ACTN1: variants seen among roughly 807,000 people sequenced by gnomAD.
The protein encoded by ACTN1 is alpha-actinin-1.
ACTN1 carries 30 observed loss-of-function variants against 119.6 expected under a neutral mutation model. The observed-to-expected ratio is 0.25, with a 90% CI of 0.19 to 0.34. The LOEUF (loss-of-function observed/expected upper bound fraction) is 0.34. ACTN1 is among the 10% of genes least tolerant of loss of function. The pLI is 1.00. For synonymous variants in ACTN1, 429 were observed against 472.6 expected, an observed-to-expected ratio of 0.91 and a Z score of 1.20; for missense variants, 764 against 1,223.4, an observed-to-expected ratio of 0.62 and a Z score of 5.60.
intron 1 of ACTN1, among the ~76,000 whole-genome samples, chr14:68,970,422 A>G (rs1361864323): frequency 6.6e-6 from 1 of 152,244 alleles, no homozygotes; most frequent in Non-Finnish European, 1.5e-5. Flanking sequence ...CTCAAACGTT[A>G]CGGGTTTCAC....
intron 3 of ACTN1, among the ~76,000 whole-genome samples, chr14:68,916,669 A>G: frequency 6.6e-6 from 1 of 152,134 alleles, no homozygotes; most frequent in African/African-American, 2.4e-5. Context: ...AGGCAGCTTT[A>G]TGTCAGGGAC....
intron 1 of ACTN1, among the ~76,000 whole-genome samples, chr14:68,931,017 T>C (rs1298055089): frequency 6.6e-6 from 1 of 152,224 alleles, no homozygotes; most frequent in African/African-American, 2.4e-5. Context: ...GGCTGGATTA[T>C]ATTCACAACT....
rs574280354 is a variant in ACTN1, at chr14:68,977,000, T to TA, written c.105+1951dup. Among the ~76,000 whole-genome samples, 24 of 152,320 alleles carry TA rather than the reference T, an allele frequency of 1.6e-4. No homozygotes were observed. In the South Asian group the frequency reaches 5.0e-3, roughly 32 times the overall value. Reference sequence around the variant, plus strand: ...TATTCATTCATTCAGAAATATTAAATACGATGTTCAGGCCGGTGCTCAGTG... The same window carrying TA: ...TATTCATTCATTCAGAAATATTAAATAACGATGTTCAGGCCGGTGCTCAGTG... On this transcript the variant is annotated intron_variant, in intron 1 of 21. Transcript: ENST00000394419.
chr14:68,953,439 G>C (rs2036236703), intron 1 of ACTN1, among the ~76,000 whole-genome samples: 1 of 152,150 alleles, frequency 6.6e-6, no homozygotes, highest in Non-Finnish European at 1.5e-5. Context: ...TATCTCCCCA[G>C]CAAAGACACA....
intron 2 of ACTN1, among the ~76,000 whole-genome samples, chr14:68,921,830 G>A (rs2034668434): frequency 6.6e-6 from 1 of 152,120 alleles, no homozygotes; most frequent in Non-Finnish European, 1.5e-5. Flanking sequence ...GCTGCCTCCT[G>A]TGGGCACCCA....
intron 7 of ACTN1, among the ~76,000 whole-genome samples, chr14:68,903,173 G>A (rs2033448351): frequency 6.6e-6 from 1 of 152,206 alleles, no homozygotes; most frequent in African/African-American, 2.4e-5. Flanking sequence ...GACCTCAGTA[G>A]CCATTCTATC....
intron 6 of ACTN1, among the ~76,000 whole-genome samples, chr14:68,906,686 C>A (rs1019889670): frequency 6.6e-6 from 1 of 152,222 alleles, no homozygotes; most frequent in East Asian, 1.9e-4. Flanking sequence ...GCTTCCCAGT[C>A]GGAGCCCCTC....
At chr14:68,968,166 G>A (rs138568751) in intron 1 of ACTN1, among the ~76,000 whole-genome samples, 1 of 152,324 alleles carries the variant, frequency 6.6e-6, no homozygotes, top group Admixed American at 6.5e-5. Context: ...TGGGTGGAAA[G>A]AGAGTAAGAT....
At chr14:68,913,820 T>A (rs1566630963) in intron 3 of ACTN1, among the ~76,000 whole-genome samples, 1 of 152,152 alleles carries the variant, frequency 6.6e-6, no homozygotes, top group Non-Finnish European at 1.5e-5. Context: ...ATGCTTGGGT[T>A]GGAGAGAAAC....
chr14:68,933,117 T>C (rs57051576), intron 1 of ACTN1, among the ~76,000 whole-genome samples: 5,056 of 152,154 alleles, frequency 0.033, 284 homozygotes, highest in African/African-American at 0.11. Flanking sequence ...AGTTAGTCCT[T>C]ACCTCCTTGT....
intron 1 of ACTN1, among the ~76,000 whole-genome samples, chr14:68,934,691 A>T (rs10147838): frequency 6.6e-6 from 1 of 152,214 alleles, no homozygotes; most frequent in African/African-American, 2.4e-5. Flanking sequence ...GAGAAAAATT[A>T]GAAAGAGACA....
At position 68,942,957 on chromosome 14, in the gene ACTN1, AG is replaced by A. The variant is rs1200995697; in HGVS notation, c.106-17286del. Among the ~76,000 whole-genome samples the A allele has an allele frequency of 2.6e-5, 4 of 152,288 alleles. No homozygotes were observed. In the East Asian group the frequency reaches 7.7e-4, roughly 29 times the overall value. ...CCGAGATGACACTGGGCCATGACGGAGGAGCCTAACGACCTCAATTCTCTTC... is the reference window on the plus strand; with the variant it reads ...CCGAGATGACACTGGGCCATGACGGAGAGCCTAACGACCTCAATTCTCTTC... On this transcript the variant is annotated intron_variant, in intron 1 of 21. Coordinates refer to ENST00000394419, the MANE Select transcript of ACTN1 (RefSeq NM_001130004.2).
In ACTN1 at chr14:68,880,507, T is replaced by A. The variant is rs1202652081; in HGVS notation, c.2133+303A>T. Among the ~76,000 whole-genome samples the A allele has an allele frequency of 6.6e-6, 1 of 152,126 alleles. No individual in the cohort carries two copies. Among genetic ancestry groups the A allele is most frequent in the East Asian group, 1.9e-4 (1 of 5,190 alleles). On this transcript the variant is annotated intron_variant, in intron 17 of 21. Transcript: ENST00000394419. The surrounding 1 kb of genome is among the most constrained non-coding windows in gnomAD (Gnocchi z 4.6). Reference sequence around the variant, plus strand: ...TGCACAGTTAAAACAAGTAGCCATTTTCAAAGCAGATGCCTGAGCCAGTGT... The same window carrying A: ...TGCACAGTTAAAACAAGTAGCCATTATCAAAGCAGATGCCTGAGCCAGTGT...
chr14:68,939,790 A>G (rs2035702906), intron 1 of ACTN1, among the ~76,000 whole-genome samples: 1 of 152,262 alleles, frequency 6.6e-6, no homozygotes, highest in Admixed American at 6.5e-5. Flanking sequence ...TGTGAATGAC[A>G]TCTCAATAAA....
rs1354293633 is a variant in ACTN1 at position 68,883,062 on chromosome 14, A to G, written c.1636-7T>C. 1 of 1,612,860 alleles carries G rather than the reference A, an allele frequency of 6.2e-7. No individual in the cohort carries two copies. Among genetic ancestry groups the G allele is most frequent in the Non-Finnish European group, 8.5e-7 (1 of 1,179,040 alleles). ...CATGGGCTGTGGTCAGTCCCTGGAC[A>G]GAGATGGGAATATGTGGGCAAGAGG... is the stretch of plus-strand genomic sequence containing the variant. On this transcript the variant is annotated splice_region_variant and splice_polypyrimidine_tract_variant and intron_variant, in intron 14 of 21. Transcript: ENST00000394419.
intron 1 of ACTN1, among the ~76,000 whole-genome samples, chr14:68,966,034 A>C (rs1208709789): frequency 6.6e-6 from 1 of 152,084 alleles, no homozygotes; most frequent in Non-Finnish European, 1.5e-5. Flanking sequence ...CCTGGGTAAC[A>C]CAGCAAGACC....
Position 68,878,123 on chromosome 14 carries a change from C to T in ACTN1, c.2427+335G>A, listed in dbSNP as rs972271319. On this transcript the variant is annotated intron_variant, in intron 20 of 21. Coordinates refer to ENST00000394419, the MANE Select transcript of ACTN1 (RefSeq NM_001130004.2). This position sits in a 1 kb window ranked among gnomAD's most constrained non-coding sequence, Gnocchi z 4.4. Reference sequence around the variant, plus strand: ...GGTTTCCATGCTCCATGTGAGGTGACGCATGCCAGCCCGAAACCTGGGATG... The same window carrying T: ...GGTTTCCATGCTCCATGTGAGGTGATGCATGCCAGCCCGAAACCTGGGATG... 4 of 255,602 alleles carry T rather than the reference C, an allele frequency of 1.6e-5. No homozygotes were observed. The highest frequency in any genetic ancestry group is 9.9e-5 in the Admixed American group (2 of 20,270). The allele number at this position is 255,602 out of a possible 1,614,324, so 15.8% of individuals were successfully genotyped here.
chr14:68,958,510 C>A (rs1450441238), intron 1 of ACTN1, among the ~76,000 whole-genome samples: 1 of 151,782 alleles, frequency 6.6e-6, no homozygotes, highest in Non-Finnish European at 1.5e-5. Flanking sequence ...ATATTACTTT[C>A]CTTTTCAATT....
intron 1 of ACTN1, among the ~76,000 whole-genome samples, chr14:68,957,345 A>G (rs931835492): frequency 1.3e-5 from 2 of 152,114 alleles, no homozygotes; most frequent in Non-Finnish European, 2.9e-5. Context: ...CCCTGCCCAG[A>G]TCCCACCCAA....
Sources: gnomAD v4.1 joint callset for allele counts (sites outside exome capture counted in the v4.1 genomes callset) on GRCh38, gnomAD v4.1.1 for gene constraint, Gnocchi (gnomAD v3.1) non-coding constraint, MANE v1.5 for transcripts, NCBI Gene and HGNC (gene_info 2026-07-23, HGNC 2026-07-21) for gene names.